THUMPD2: variants seen among roughly 807,000 people sequenced by gnomAD.
The protein encoded by THUMPD2 is THUMP domain 2 tRNA and snRNA guanosine methyltransferase, also known as U6 snRNA (guanine-N(2))-methyltransferase THUMPD2.
Under a neutral mutation model 49.4 loss-of-function variants are expected in THUMPD2, and 56 were observed. The observed-to-expected ratio is 1.13, with a 90% CI of 0.91 to 1.41. THUMPD2 has a LOEUF of 1.41. THUMPD2 is among the 40% of genes most tolerant of loss of function. The pLI, the probability that THUMPD2 is intolerant of heterozygous loss-of-function variation, is 0.00. For synonymous variants in THUMPD2, 237 were observed against 205.2 expected (o/e 1.15, Z -1.32); for missense variants, 709 against 594.5 (o/e 1.19, Z -2.00).
At chr2:39,738,969 C>T (rs1412355629) in intron 9 of THUMPD2, among the ~76,000 whole-genome samples, 1 of 152,112 alleles carries the variant, frequency 6.6e-6, no homozygotes, top group Non-Finnish European at 1.5e-5. Flanking sequence ...ATCTAAGAAG[C>T]TTAGGTAGCT....
chr2:39,755,761 TAA>T, intron 7 of THUMPD2, 126 bp downstream of exon 7: 18 of 755,188 alleles, frequency 2.4e-5, no homozygotes, highest in Middle Eastern at 3.6e-4. Context: ...CTATTTTGAG[TAA>T]ATAATAACTC....
At chr2:39,738,603 AT>A (rs201183994) in intron 9 of THUMPD2, among the ~76,000 whole-genome samples, 33 of 126,088 alleles carry the variant, frequency 2.6e-4, no homozygotes, top group South Asian at 1.1e-3. Flanking sequence ...ATATGTAAAA[AT>A]ATATATATAA....
Position 39,737,151 on chromosome 2 carries a change from T to G in THUMPD2, c.1188-92A>C, listed in dbSNP as rs933197006. 1.1e-5 allele frequency: 13 copies of G among 1,205,642 alleles called. No individual in the cohort carries two copies. In the Admixed American group the frequency reaches 3.1e-4, roughly 29 times the overall value. 74.7% of individuals were successfully genotyped at this position (1,205,642 alleles called of 1,614,324 possible). On this transcript the variant is annotated intron_variant, in intron 9 of 9. Transcript: ENST00000505747. ...TTTAAAATGGTTCATGTTTTTAATT[T>G]GAAATTTAATTTTATCCATTTAAAT...
Position 39,776,420 on chromosome 2 carries a change from G to T in THUMPD2, c.126+2694C>A, listed in dbSNP as rs187652324. 4.8e-3 allele frequency among the ~76,000 whole-genome samples: 715 copies of T among 147,490 alleles called. 2 individuals carry two copies. Among genetic ancestry groups the T allele is most frequent in the African/African-American group, 0.014 (552 of 39,938 alleles). Reference sequence around the variant, plus strand: ...TTTTTTTTTTTTTTTTTGAGATGGAGTCTCACTCTGTCACCCAGGCTGGAG... The same window carrying T: ...TTTTTTTTTTTTTTTTTGAGATGGATTCTCACTCTGTCACCCAGGCTGGAG... On this transcript the variant is annotated intron_variant, in intron 1 of 9. Coordinates refer to ENST00000505747, the MANE Select transcript of THUMPD2 (RefSeq NM_025264.5).
At chr2:39,763,498 ACT>A (rs893502855) in intron 5 of THUMPD2, among the ~76,000 whole-genome samples, 3 of 151,546 alleles carry the variant, frequency 2.0e-5, no homozygotes, top group Admixed American at 2.0e-4. Flanking sequence ...CACTGAATAC[ACT>A]GTTTTCTTTC....
intron 1 of THUMPD2, among the ~76,000 whole-genome samples, chr2:39,772,839 C>G (rs1678510702): frequency 6.6e-6 from 1 of 152,138 alleles, no homozygotes; most frequent in Non-Finnish European, 1.5e-5. Flanking sequence ...ACTTGAACTC[C>G]AAGGGTTTAT....
chr2:39,740,794 A>T (rs1673789555), intron 9 of THUMPD2, among the ~76,000 whole-genome samples: 1 of 151,552 alleles, frequency 6.6e-6, no homozygotes, highest in Admixed American at 6.6e-5. Flanking sequence ...GCAGCCTCCA[A>T]CTCCTGGGCT....
chr2:39,769,055 T>C (rs1677939843), intron 3 of THUMPD2: 4 of 1,304,586 alleles, frequency 3.1e-6, no homozygotes, highest in Non-Finnish European at 3.0e-6. Flanking sequence ...TCATGTGCAT[T>C]TGCAGTCTAG....
chr2:39,759,745 T>G (rs778005592), intron 6 of THUMPD2, among the ~76,000 whole-genome samples: 1 of 152,254 alleles, frequency 6.6e-6, no homozygotes, highest in African/African-American at 2.4e-5. Context: ...TAAATGACAA[T>G]GGAACAGCAT....
At position 39,741,456 on chromosome 2, in the gene THUMPD2, C is replaced by T. The variant is rs76809080; in HGVS notation, c.1187+2914G>A. On this transcript the variant is annotated intron_variant, in intron 9 of 9. Coordinates refer to ENST00000505747, the MANE Select transcript of THUMPD2 (RefSeq NM_025264.5). ...TCCAAATTTCACTGAAATCTGGCTT[C>T]TTCCTGAAACCATCTCAAGCCTCTT... Among the ~76,000 whole-genome samples the T allele has an allele frequency of 8.6e-3, 1,317 of 152,286 alleles. 19 individuals carry two copies. The highest frequency in any genetic ancestry group is 0.036 in the South Asian group (172 of 4,820).
At chr2:39,770,218 A>G in intron 2 of THUMPD2, 99 bp from the exon 3 acceptor site, 1 of 810,060 alleles carries the variant, frequency 1.2e-6, no homozygotes, top group Non-Finnish European at 1.7e-6. Context: ...TCCTTGAATT[A>G]AGTTTTATTA....
rs528866660 is a variant in THUMPD2, at chr2:39,736,640, A to G, written c.*95T>C. ...TCTTTGGGGGAATTTGGTTACTTGG[A>G]GCTCTGTGGGTGCTATATGAATCCT... On this transcript the variant is annotated 3_prime_UTR_variant, in exon 10 of 10. Coordinates refer to ENST00000505747, the MANE Select transcript of THUMPD2 (RefSeq NM_025264.5). 92 of 1,160,862 alleles carry G rather than the reference A, an allele frequency of 7.9e-5. No homozygotes were observed. The African/African-American group carries it at 1.1e-3, about 15-fold the overall frequency. 71.9% of individuals were successfully genotyped at this position (1,160,862 alleles called of 1,614,324 possible). A position where few individuals can be genotyped will look rare whatever the true frequency, so the allele number is the denominator to read the frequency against.
At chr2:39,772,931 A>T (rs978544402) in intron 1 of THUMPD2, among the ~76,000 whole-genome samples, 1 of 152,174 alleles carries the variant, frequency 6.6e-6, no homozygotes, top group Non-Finnish European at 1.5e-5. Flanking sequence ...GATGAAAGAG[A>T]ATCTCTCCTG....
At chr2:39,762,805 A>G (rs1350733350) in intron 5 of THUMPD2, among the ~76,000 whole-genome samples, 2 of 150,924 alleles carry the variant, frequency 1.3e-5, no homozygotes, top group Non-Finnish European at 3.0e-5. Flanking sequence ...GAGACGCAGT[A>G]TGGGAAACCA....
chr2:39,767,001 T>C (rs887920055), intron 4 of THUMPD2, among the ~76,000 whole-genome samples: 1 of 152,210 alleles, frequency 6.6e-6, no homozygotes, highest in African/African-American at 2.4e-5. Context: ...TGTTCATATA[T>C]CAAATGTTAT....
At chr2:39,768,386 A>C (rs1677839517) in intron 4 of THUMPD2, 38 bp downstream of exon 4, 1 of 1,480,164 alleles carries the variant, frequency 6.8e-7, no homozygotes, top group Admixed American at 1.8e-5. Context: ...TTAAAGAATT[A>C]GGTTACAAGT....
At chr2:39,754,993 C>T (rs187857202) in intron 8 of THUMPD2, among the ~76,000 whole-genome samples, 9 of 152,176 alleles carry the variant, frequency 5.9e-5, no homozygotes, top group South Asian at 4.1e-4. Context: ...CTATTTTAAA[C>T]GATCACTGGT....
At chr2:39,756,040 C>G in intron 6 of THUMPD2, 80 bp from the exon 7 acceptor site, 1 of 1,280,302 alleles carries the variant, frequency 7.8e-7, no homozygotes, top group Non-Finnish European at 1.1e-6. Context: ...CTTGAGGAAT[C>G]AATATTTCAA....
chr2:39,771,789 A>T lies in THUMPD2; in HGVS notation c.127-149T>A, dbSNP rs988964733. ...TCAGGCTCTGTACTAGGAACACTGA[A>T]TAAGTATTTTCCTCCTTATCCTTAT... On this transcript the variant is annotated intron_variant, in intron 1 of 9. Transcript: ENST00000505747. The T allele has an allele frequency of 7.7e-5, 63 of 817,590 alleles. No individual in the cohort carries two copies. The East Asian group carries it at 1.8e-3, about 23-fold the overall frequency. The allele number at this position is 817,590 out of a possible 1,614,324, so 50.6% of individuals were successfully genotyped here. A position where few individuals can be genotyped will look rare whatever the true frequency, so the allele number is the denominator to read the frequency against.
Sources: allele counts gnomAD v4.1 joint callset (sites outside exome capture counted in the v4.1 genomes callset), GRCh38; gene constraint gnomAD v4.1.1; transcripts MANE v1.5; gene names NCBI Gene and HGNC (gene_info 2026-07-23, HGNC 2026-07-21).